Variants in PRAMEF27 observed in about 807,000 individuals in gnomAD.
The protein encoded by PRAMEF27 is PRAME family member 27.
PRAMEF27 carries 5 observed loss-of-function variants against 21.0 expected under a neutral mutation model. The ratio of observed to expected loss-of-function variants is 0.24; its 90% CI spans 0.12 to 0.50. PRAMEF27 has a LOEUF of 0.50. Among genes scored for constraint, PRAMEF27 ranks in the 20% least tolerant of loss-of-function variants. The pLI is 0.98. For synonymous variants in PRAMEF27, 61 were observed against 211.2 expected, an observed-to-expected ratio of 0.29 and a Z score of 6.17; for missense variants, 138 against 541.4, an observed-to-expected ratio of 0.25 and a Z score of 7.39.
Position 13,050,545 on chromosome 1 carries a change from C to A in PRAMEF27, c.876-176G>T, listed in dbSNP as rs1417914213. ...TGATGAAGAGCTTTGCCACCGAGGTCAATTCCACCTTAGAGCCGGCCCAGT... is the reference window on the plus strand; with the variant it reads ...TGATGAAGAGCTTTGCCACCGAGGTAAATTCCACCTTAGAGCCGGCCCAGT... On this transcript the variant is annotated intron_variant, in intron 3 of 3. Coordinates refer to ENST00000436041, the MANE Select transcript of PRAMEF27 (RefSeq NM_001300891.2). 2.2e-5 allele frequency: 20 copies of A among 914,176 alleles called. No individual in the cohort carries two copies. The East Asian group carries it at 5.0e-4, about 23-fold the overall frequency. 56.6% of individuals were successfully genotyped at this position (914,176 alleles called of 1,614,324 possible).
rs1319254175 is a variant in PRAMEF27, at chr1:13,053,550, A to T, written c.110T>A (p.Leu37His). 1.5e-5 allele frequency: 24 copies of T among 1,551,436 alleles called. No homozygotes were observed. The highest frequency in any genetic ancestry group is 2.3e-5 in the South Asian group (2 of 86,414). Residue 37 changes from leucine to histidine, a missense_variant, in exon 2 of 4, where the codon CTT becomes CAT. Coordinates refer to ENST00000436041, the MANE Select transcript of PRAMEF27 (RefSeq NM_001300891.2). Reference sequence around the variant, plus strand: ...GGCCTCCATGAACAGTGGGGGGAAAAGTTCTGTGGGCAGCTCCTCCAGGGT... The same window carrying T: ...GGCCTCCATGAACAGTGGGGGGAAATGTTCTGTGGGCAGCTCCTCCAGGGT... ...MSTLEELPTE[L>H]FPPLFMEAFS...
intron 1 of PRAMEF27, chr1:13,055,636 T>G (rs1219492220): frequency 6.6e-6 from 1 of 151,256 alleles, no homozygotes; most frequent in Non-Finnish European, 1.5e-5. Context: ...ATTGATTTTG[T>G]TTTTGTTTTT....
intron 1 of PRAMEF27, chr1:13,056,088 T>G: frequency 8.7e-6 from 1 of 115,566 alleles, no homozygotes; most frequent in Non-Finnish European, 1.6e-5. Flanking sequence ...TAGAGGAGGG[T>G]TTTTGTCATG....
At chr1:13,056,243 TAAAG>T (rs1288926055) in intron 1 of PRAMEF27, 167 bp downstream of exon 1, 1 of 118,190 alleles carries the variant, frequency 8.5e-6, no homozygotes, top group Non-Finnish European at 1.6e-5. Flanking sequence ...TTTTTTGAAA[TAAAG>T]ACAGAACTGC....
chr1:13,050,466 G>A lies in PRAMEF27; in HGVS notation c.876-97C>T, dbSNP rs1212095128. ...CAAGGTAATGGATGGAGACCATTTT[G>A]CCCAAGTCCAGGGTCATTCTGATGG... is the stretch of plus-strand genomic sequence containing the variant. On this transcript the variant is annotated intron_variant, in intron 3 of 3. Transcript: ENST00000436041. The A allele has an allele frequency of 2.6e-5, 31 of 1,208,794 alleles. 1 individual carries two copies. Among genetic ancestry groups the A allele is most frequent in the Non-Finnish European group, 3.4e-5 (30 of 878,144 alleles). 74.9% of individuals were successfully genotyped at this position (1,208,794 alleles called of 1,614,324 possible). A position where few individuals can be genotyped will look rare whatever the true frequency, so the allele number is the denominator to read the frequency against.
At chr1:13,055,796 A>C (rs1227742870) in intron 1 of PRAMEF27, 12 of 138,674 alleles carry the variant, frequency 8.7e-5, no homozygotes, top group African/African-American at 3.8e-4. Flanking sequence ...TCACAGCTGT[A>C]ATCCCAGCAC....
At position 13,049,865 on chromosome 1, in the gene PRAMEF27, G is replaced by A. The variant is rs1182907381; in HGVS notation, c.1380C>T (p.Cys460=). The A allele has an allele frequency of 2.8e-6, 4 of 1,415,466 alleles. 1 individual carries two copies. The highest frequency in any genetic ancestry group is 2.6e-5 in the East Asian group (1 of 38,168). The allele number at this position is 1,415,466 out of a possible 1,614,324, so 87.7% of individuals were successfully genotyped here. Residue 460 remains cysteine (C), a synonymous_variant, in exon 4 of 4, where the codon TGC becomes TGT. Coordinates refer to ENST00000436041, the MANE Select transcript of PRAMEF27 (RefSeq NM_001300891.2). ...PKRIFFCIDN[C]PDCGNRSFYD... ...AAAATGACCTGTTGCCACAGTCAGG[G>A]CAGTTATCAATACAGAAAAAGATCC...
chr1:13,053,433 C>G lies in PRAMEF27; in HGVS notation c.227G>C (p.Cys76Ser), dbSNP rs1642224768. ...LPLRPLIKMP[C>S]LEAFQAVLDG... ...GAGCACAGCTTGGAAGGCCTCCAGA[C>G]AAGGCATCTTTATCAGAGGCCTCAG... Residue 76 changes from cysteine to serine, a missense_variant, in exon 2 of 4, where the codon TGT becomes TCT. Coordinates refer to ENST00000436041, the MANE Select transcript of PRAMEF27 (RefSeq NM_001300891.2). The G allele has an allele frequency of 5.9e-6, 9 of 1,519,588 alleles. No homozygotes were observed. Among genetic ancestry groups the G allele is most frequent in the Non-Finnish European group, 7.9e-6 (9 of 1,145,668 alleles). 94.1% of individuals were successfully genotyped at this position (1,519,588 alleles called of 1,614,324 possible). A position where few individuals can be genotyped will look rare whatever the true frequency, so the allele number is the denominator to read the frequency against.
Position 13,053,672 on chromosome 1 carries a change from A to G in PRAMEF27, c.-13T>C. 1 of 1,593,826 alleles carries G rather than the reference A, an allele frequency of 6.3e-7. No homozygotes were observed. The highest frequency in any genetic ancestry group is 8.5e-7 in the Non-Finnish European group (1 of 1,178,668). On this transcript the variant is annotated 5_prime_UTR_variant, in exon 2 of 4. Coordinates refer to ENST00000436041, the MANE Select transcript of PRAMEF27 (RefSeq NM_001300891.2). ...TGCTCATCTTCATGAATCTGCAGGGAAAACTTCCAGAGGACAAACCCAGAG... is the reference window on the plus strand; with the variant it reads ...TGCTCATCTTCATGAATCTGCAGGGGAAACTTCCAGAGGACAAACCCAGAG...
In PRAMEF27 at chr1:13,053,440, T is replaced by A; in HGVS notation, c.220A>T (p.Met74Leu). The A allele has an allele frequency of 6.6e-7, 1 of 1,521,592 alleles. No homozygotes were observed. Among genetic ancestry groups the A allele is most frequent in the East Asian group, 2.4e-5 (1 of 41,168 alleles). 94.3% of individuals were successfully genotyped at this position (1,521,592 alleles called of 1,614,324 possible). A position where few individuals can be genotyped will look rare whatever the true frequency, so the allele number is the denominator to read the frequency against. The change falls in exon 2 of 4, where the codon ATG (methionine) becomes TTG (leucine). Residue 74 changes from methionine (M) to leucine (L), a missense_variant. By Grantham distance (15) the Met-to-Leu change is conservative. Coordinates refer to ENST00000436041, the MANE Select transcript of PRAMEF27 (RefSeq NM_001300891.2). ...RRLPLRPLIK[M>L]PCLEAFQAVL... ...GCTTGGAAGGCCTCCAGACAAGGCA[T>A]CTTTATCAGAGGCCTCAGAGGGAGG...
chr1:13,053,778 C>T, intron 1 of PRAMEF27, 103 bp from the exon 2 acceptor site: 1 of 1,404,454 alleles, frequency 7.1e-7, no homozygotes, highest in Non-Finnish European at 9.3e-7. Context: ...AATGGTGAAA[C>T]AGCCCTCAGT....
intron 1 of PRAMEF27, 24 bp downstream of exon 1, chr1:13,056,390 T>A (rs1188869355): frequency 7.8e-6 from 1 of 127,392 alleles, no homozygotes; most frequent in East Asian, 2.1e-4. Flanking sequence ...GATGGGAGTG[T>A]CCTTACAGAA....
At chr1:13,055,433 C>T (rs1320284617) in intron 1 of PRAMEF27, 1 of 84,002 alleles carries the variant, frequency 1.2e-5, no homozygotes, top group African/African-American at 7.7e-5. Context: ...CTCACTTCGT[C>T]GCCCAGGCTG....
chr1:13,055,532 C>T (rs1415461756), intron 1 of PRAMEF27: 1 of 138,518 alleles, frequency 7.2e-6, no homozygotes, highest in South Asian at 2.5e-4. Context: ...TTCCACGTAG[C>T]TGGGACTACA....
rs1396011326 is a variant in PRAMEF27, at chr1:13,056,049, C to A, written c.-17+365G>T. 5.9e-5 allele frequency: 7 copies of A among 117,948 alleles called. 1 individual carries two copies. Among genetic ancestry groups the A allele is most frequent in the Admixed American group, 5.3e-4 (7 of 13,276 alleles). The allele number at this position is 117,948 out of a possible 1,614,324, so 7.3% of individuals were successfully genotyped here. ...CCAGTCTGGGCAACACAGTGAGACTCCATCTCCACCCTCAAAAAAAACGTT... is the reference window on the plus strand; with the variant it reads ...CCAGTCTGGGCAACACAGTGAGACTACATCTCCACCCTCAAAAAAAACGTT... On this transcript the variant is annotated intron_variant, in intron 1 of 3. Coordinates refer to ENST00000436041, the MANE Select transcript of PRAMEF27 (RefSeq NM_001300891.2).
At chr1:13,056,336 G>T (rs1387961025) in intron 1 of PRAMEF27, 78 bp downstream of exon 1, 2 of 123,168 alleles carry the variant, frequency 1.6e-5, no homozygotes, top group South Asian at 2.7e-4. Context: ...CTGTGCCATC[G>T]TAGGCTGCAC....
Position 13,049,940 on chromosome 1 carries a change from T to A in PRAMEF27, c.1305A>T (p.Gln435His). Residue 435 changes from glutamine (Q) to histidine (H), a missense_variant, in exon 4 of 4, where the codon CAA becomes CAT. Physicochemically the swap from Gln to His is conservative, Grantham distance 24. Transcript: ENST00000436041. ...CTCTGTTCATCAGCTCAGCCCTAATTTGAGCAAATCTGTTCCAGCAGAGAG... is the reference window on the plus strand; with the variant it reads ...CTCTGTTCATCAGCTCAGCCCTAATATGAGCAAATCTGTTCCAGCAGAGAG... ...DGTLCWNRFA[Q>H]IRAELMNRVR... is the part of the protein sequence containing the mutation. 1 of 1,419,596 alleles carries A rather than the reference T, an allele frequency of 7.0e-7. No individual in the cohort carries two copies. Among genetic ancestry groups the A allele is most frequent in the South Asian group, 1.4e-5 (1 of 72,570 alleles). 87.9% of individuals were successfully genotyped at this position (1,419,596 alleles called of 1,614,324 possible).
intron 1 of PRAMEF27, chr1:13,056,185 T>G (rs1208074690): frequency 1.7e-5 from 2 of 117,812 alleles, no homozygotes; most frequent in Non-Finnish European, 3.1e-5. Flanking sequence ...CGTGAGTCAC[T>G]GCTCCCTTCA....
intron 1 of PRAMEF27, 67 bp from the exon 2 acceptor site, chr1:13,053,742 C>T: frequency 1.3e-6 from 2 of 1,539,568 alleles, no homozygotes; most frequent in Non-Finnish European, 1.7e-6. Flanking sequence ...CTCATCTTCT[C>T]CTATGGCCAA....
Sources: gnomAD v4.1 joint callset for allele counts on GRCh38, gnomAD v4.1.1 for gene constraint, MANE v1.5 for transcripts, NCBI Gene and HGNC (gene_info 2026-07-23, HGNC 2026-07-21) for gene names.